The following CDK14 variants were observed in gnomAD, a reference collection of about 807,000 sequenced individuals.
CDK14 encodes cyclin-dependent kinase 14.
CDK14 carries 34 observed loss-of-function variants against 60.7 expected under a neutral mutation model. That is an observed-to-expected ratio of 0.56 (90% CI 0.43 to 0.75). The LOEUF is 0.75. Among genes scored for constraint, CDK14 ranks in the 30% least tolerant of loss-of-function variants. The probability of loss-of-function intolerance (pLI) is 0.00; values close to 1 mark genes in which losing one functional copy is unlikely to be tolerated. For missense variants in CDK14, 482 were observed against 564.1 expected (o/e 0.85, Z 1.47); for synonymous variants, 197 against 203.7 (o/e 0.97, Z 0.28).
At chr7:90,906,386 C>G (rs559579118) in intron 7 of CDK14, among the ~76,000 whole-genome samples, 134 of 152,096 alleles carry the variant, frequency 8.8e-4, no homozygotes, top group African/African-American at 2.2e-3. Flanking sequence ...AAGAGCATGT[C>G]CTTTTAGTAA....
chr7:90,944,593 CAT>C (rs1036117815), intron 8 of CDK14, among the ~76,000 whole-genome samples: 1 of 152,094 alleles, frequency 6.6e-6, no homozygotes, highest in African/African-American at 2.4e-5. Context: ...ATTAGCCAGA[CAT>C]AGTGATGCAC....
chr7:90,809,310 C>G (rs530016505), intron 5 of CDK14, among the ~76,000 whole-genome samples: 3 of 152,080 alleles, frequency 2.0e-5, no homozygotes, highest in African/African-American at 7.2e-5. Context: ...ACTCAGGATT[C>G]AGAAACTCAC....
At chr7:90,913,128 AT>A (rs2117402006) in intron 7 of CDK14, among the ~76,000 whole-genome samples, 1 of 152,294 alleles carries the variant, frequency 6.6e-6, no homozygotes, top group African/African-American at 2.4e-5. Context: ...TTCATAGAAG[AT>A]CAAGTATAGC....
chr7:90,615,291 TA>T (rs1405424789), intron 2 of CDK14, among the ~76,000 whole-genome samples: 1 of 152,236 alleles, frequency 6.6e-6, no homozygotes, highest in Non-Finnish European at 1.5e-5. Context: ...AGTTACAATT[TA>T]AAAGACATTT....
intron 7 of CDK14, among the ~76,000 whole-genome samples, chr7:90,904,407 G>T (rs1399161359): frequency 6.6e-6 from 1 of 152,006 alleles, no homozygotes; most frequent in African/African-American, 2.4e-5. Context: ...GAGAAAAGAA[G>T]ATAATTCATC....
At chr7:91,152,062 T>C (rs1800842509) in intron 14 of CDK14, among the ~76,000 whole-genome samples, 1 of 152,254 alleles carries the variant, frequency 6.6e-6, no homozygotes, top group East Asian at 1.9e-4. Flanking sequence ...AAACCAGTCA[T>C]ACTTTCCTCA....
intron 14 of CDK14, among the ~76,000 whole-genome samples, chr7:91,166,244 G>A (rs1435755798): frequency 6.6e-6 from 1 of 152,226 alleles, no homozygotes; most frequent in Non-Finnish European, 1.5e-5. Flanking sequence ...AGGAAAGGAA[G>A]TGTGTTTGGT....
chr7:90,940,567 C>G (rs1345880938), intron 8 of CDK14, among the ~76,000 whole-genome samples: 1 of 152,116 alleles, frequency 6.6e-6, no homozygotes, highest in African/African-American at 2.4e-5. Context: ...AGGTGGATCA[C>G]TTGAGTCCAG....
chr7:90,990,928 T>A (rs1194301475), intron 10 of CDK14, among the ~76,000 whole-genome samples: 1 of 152,180 alleles, frequency 6.6e-6, no homozygotes, highest in Non-Finnish European at 1.5e-5. Context: ...TCACTGTGAC[T>A]ATGGTGGTAA....
At chr7:91,204,167 C>T (rs997600996) in intron 14 of CDK14, among the ~76,000 whole-genome samples, 1 of 152,070 alleles carries the variant, frequency 6.6e-6, no homozygotes, top group African/African-American at 2.4e-5. Flanking sequence ...GTGTGGTATC[C>T]ATTTACCCCC....
rs576762263 is a variant in CDK14, at chr7:90,931,411, G to A, written c.826+13687G>A. ...AAAGAAGTAAAGTTTCTGGAAAGCA[G>A]GAAGACATTAAAAAACAAAAACAGA... On this transcript the variant is annotated intron_variant, in intron 8 of 14. Transcript: ENST00000380050. 2.4e-4 allele frequency among the ~76,000 whole-genome samples: 37 copies of A among 152,294 alleles called. 2 individuals are homozygous for A. The South Asian group carries it at 7.7e-3, about 32-fold the overall frequency.
At chr7:90,659,311 A>G (rs1800813493) in intron 2 of CDK14, among the ~76,000 whole-genome samples, 1 of 152,212 alleles carries the variant, frequency 6.6e-6, no homozygotes, top group Admixed American at 6.5e-5. Flanking sequence ...ACCCAAAGCA[A>G]GACAATAATC....
intron 14 of CDK14, among the ~76,000 whole-genome samples, chr7:91,123,977 C>G (rs1799863103): frequency 6.6e-6 from 1 of 151,944 alleles, no homozygotes; most frequent in Admixed American, 6.6e-5. Context: ...GGCTGAACTT[C>G]GTGTGTTCAA....
At chr7:90,955,567 C>A in intron 8 of CDK14, 130 bp from the exon 9 acceptor site, 1 of 927,106 alleles carries the variant, frequency 1.1e-6, no homozygotes, top group South Asian at 1.6e-5. Flanking sequence ...TTTCTATTAA[C>A]CTTGATACTG....
chr7:90,625,192 T>C (rs1046624860), intron 2 of CDK14, among the ~76,000 whole-genome samples: 6 of 151,976 alleles, frequency 3.9e-5, no homozygotes, highest in Admixed American at 3.9e-4. Context: ...AAAAAAAACC[T>C]GGCCAGGCGT....
chr7:90,620,405 C>T (rs376845431), intron 2 of CDK14, among the ~76,000 whole-genome samples: 3 of 152,256 alleles, frequency 2.0e-5, no homozygotes, highest in African/African-American at 7.2e-5. Flanking sequence ...GCTCTCCAGA[C>T]GGCGGTGAGT....
intron 2 of CDK14, among the ~76,000 whole-genome samples, chr7:90,724,956 AGAGGACTCTGCCTT>A (rs755312358): frequency 3.3e-4 from 50 of 152,180 alleles, no homozygotes; most frequent in Non-Finnish European, 6.0e-4. Flanking sequence ...GATCATGACT[AGAGGACTCTGCCTT>A]GAGTCTTTTA....
At chr7:90,908,365 T>TAATTAAAGGCCAGCTAATTA (rs1792780450) in intron 7 of CDK14, among the ~76,000 whole-genome samples, 1 of 151,966 alleles carries the variant, frequency 6.6e-6, no homozygotes, top group African/African-American at 2.4e-5. Flanking sequence ...GCAAAAGAAT[T>TAATTAAAGGCCAGCTAATTA]AAGGCCAGCT....
intron 2 of CDK14, among the ~76,000 whole-genome samples, chr7:90,690,992 A>G (rs1335490093): frequency 6.6e-6 from 1 of 152,204 alleles, no homozygotes; most frequent in African/African-American, 2.4e-5. Context: ...CTCAGTTCAG[A>G]CTTAAGTCCT....
Sources: gnomAD v4.1 joint callset for allele counts (sites outside exome capture counted in the v4.1 genomes callset) on GRCh38, gnomAD v4.1.1 for gene constraint, MANE v1.5 for transcripts, NCBI Gene and HGNC (gene_info 2026-07-23, HGNC 2026-07-21) for gene names.